RELN: variants seen among roughly 807,000 people sequenced by gnomAD.
The protein encoded by RELN is reelin.
In RELN, 108 loss-of-function variants were observed where a neutral mutation model predicts 427.6. The ratio of observed to expected loss-of-function variants is 0.25; its 90% CI spans 0.22 to 0.30. RELN has a LOEUF of 0.30. Among genes scored for constraint, RELN ranks in the 10% least tolerant of loss-of-function variants. The pLI is 1.00. For missense variants in RELN, 3,715 were observed against 4,302.8 expected, an observed-to-expected ratio of 0.86 and a Z score of 3.82; for synonymous variants, 1,524 against 1,513.4, an observed-to-expected ratio of 1.01 and a Z score of -0.16.
At chr7:103,616,634 T>C (rs889808290) in intron 20 of RELN, among the ~76,000 whole-genome samples, 2 of 152,178 alleles carry the variant, frequency 1.3e-5, no homozygotes, top group African/African-American at 4.8e-5. Flanking sequence ...GTAAAAATAC[T>C]TCCAGACAGT....
At chr7:103,553,117 T>A (rs1282001434) in intron 40 of RELN, among the ~76,000 whole-genome samples, 2 of 152,174 alleles carry the variant, frequency 1.3e-5, no homozygotes, top group African/African-American at 4.8e-5. Flanking sequence ...ATAGTTACAT[T>A]GACCTAGTCC....
At chr7:103,973,989 A>C (rs1395222232) in intron 1 of RELN, among the ~76,000 whole-genome samples, 1 of 152,120 alleles carries the variant, frequency 6.6e-6, no homozygotes, top group Admixed American at 6.5e-5. Flanking sequence ...CTAAAAATAC[A>C]AAAATTAGCC....
rs1563084924 is a variant in RELN at position 103,909,741 on chromosome 7, ATAAATATATATATT to A, written c.337+7320_337+7333del. ...ATATTAAATATATTTTTTAATATAT[ATAAATATATATATT>A]AAATATATATATTTAATATATATAA... On this transcript the variant is annotated intron_variant, in intron 2 of 64. Coordinates refer to ENST00000428762, the MANE Select transcript of RELN (RefSeq NM_005045.4). 2.6e-4 allele frequency among the ~76,000 whole-genome samples: 7 copies of A among 26,592 alleles called. 1 individual carries two copies. The East Asian group carries it at 0.011, about 42-fold the overall frequency. 17.4% of individuals were successfully genotyped at this position (26,592 alleles called of 152,430 possible).
intron 34 of RELN, 24 bp from the exon 35 acceptor site, chr7:103,561,977 A>AAAAAAAC: frequency 1.3e-6 from 2 of 1,532,562 alleles, no homozygotes; most frequent in African/African-American, 2.8e-5. Flanking sequence ...AAAAAAAAAA[A>AAAAAAAC]ACACACCACT....
chr7:103,680,116 A>G (rs1833621781), intron 11 of RELN, among the ~76,000 whole-genome samples: 1 of 152,140 alleles, frequency 6.6e-6, no homozygotes, highest in African/African-American at 2.4e-5. Context: ...TTCCCCCCCA[A>G]ACAATAAGAG....
intron 3 of RELN, among the ~76,000 whole-genome samples, chr7:103,795,387 G>C (rs1050879806): frequency 6.6e-6 from 1 of 152,168 alleles, no homozygotes; most frequent in Admixed American, 6.5e-5. Context: ...GGTCTTTCCT[G>C]GAAGTGAACA....
At chr7:103,963,335 T>A (rs1185314293) in intron 1 of RELN, among the ~76,000 whole-genome samples, 1 of 152,222 alleles carries the variant, frequency 6.6e-6, no homozygotes, top group East Asian at 1.9e-4. Flanking sequence ...ACATACATGA[T>A]CTTACGTCAC....
intron 1 of RELN, among the ~76,000 whole-genome samples, chr7:103,918,928 C>T (rs977356834): frequency 5.9e-5 from 9 of 152,044 alleles, no homozygotes; most frequent in Admixed American, 5.9e-4. Context: ...TTATCAGATG[C>T]TGTATGCTTA....
At chr7:103,732,553 C>A (rs1171913173) in intron 6 of RELN, among the ~76,000 whole-genome samples, 1 of 152,042 alleles carries the variant, frequency 6.6e-6, no homozygotes, top group Non-Finnish European at 1.5e-5. Context: ...GGAGACAAGG[C>A]AAGACCGTAC....
chr7:103,526,132 G>A (rs543981226), intron 46 of RELN, among the ~76,000 whole-genome samples: 1 of 152,320 alleles, frequency 6.6e-6, no homozygotes, highest in African/African-American at 2.4e-5. Flanking sequence ...GGTGGCATGG[G>A]TTGCCTAGCA....
intron 2 of RELN, among the ~76,000 whole-genome samples, chr7:103,865,351 C>CT (rs1411867104): frequency 6.0e-5 from 9 of 150,200 alleles, no homozygotes; most frequent in African/African-American, 2.2e-4. Flanking sequence ...ATCAATCTTT[C>CT]TTAAATTCTT....
At chr7:103,732,355 T>C (rs962019736) in intron 6 of RELN, among the ~76,000 whole-genome samples, 3 of 152,118 alleles carry the variant, frequency 2.0e-5, no homozygotes, top group African/African-American at 4.8e-5. Context: ...TGTATCTCCA[T>C]TTACTTCCCC....
rs1464977739 is a variant in RELN, at chr7:103,566,675, T to C, written c.4673A>G (p.Gln1558Arg). The C allele has an allele frequency of 6.2e-7, 1 of 1,614,142 alleles. No homozygotes were observed. Among genetic ancestry groups the C allele is most frequent in the East Asian group, 2.2e-5 (1 of 44,876 alleles). The change falls in exon 32 of 65, where the codon CAG (glutamine) becomes CGG (arginine). Residue 1558 changes from glutamine to arginine, a missense_variant. By Grantham distance (43) the Gln-to-Arg change is conservative. This residue lies in a region of RELN where 2,208 missense variants were observed against 2,361.7 expected (regional missense o/e 0.93). Coordinates refer to ENST00000428762, the MANE Select transcript of RELN (RefSeq NM_005045.4). ...CTGTGGCAGGTCAATGGAAATGATC[T>C]GTGGTTCCAGGAAGGACATGAAGTC... ...ELDFMSFLEP[Q>R]IISIDLPQDA...
rs1584326318 is a variant in RELN, at chr7:103,593,738, G to T, written c.3856C>A (p.Arg1286=). The T allele has an allele frequency of 1.2e-6, 2 of 1,613,952 alleles. No homozygotes were observed. The highest frequency in any genetic ancestry group is 1.7e-6 in the Non-Finnish European group (2 of 1,179,882). The change falls in exon 27 of 65, where the codon CGA becomes AGA. Residue 1286 remains arginine (R), a synonymous_variant. Transcript: ENST00000428762. ...AMIFGKSDGD[R]FAVTRDLTLK... ...GTCAAATCTCGAGTTACTGCAAATCGATCTCCATCTGATTTTCCAAATATC... is the reference window on the plus strand; with the variant it reads ...GTCAAATCTCGAGTTACTGCAAATCTATCTCCATCTGATTTTCCAAATATC...
At chr7:103,871,179 CAATT>C (rs1794325125) in intron 2 of RELN, among the ~76,000 whole-genome samples, 1 of 152,152 alleles carries the variant, frequency 6.6e-6, no homozygotes, top group African/African-American at 2.4e-5. Flanking sequence ...ATTTAGTACT[CAATT>C]AAAGTAATTA....
chr7:103,841,890 T>C (rs1793559910), intron 2 of RELN, among the ~76,000 whole-genome samples: 1 of 152,188 alleles, frequency 6.6e-6, no homozygotes, highest in African/African-American at 2.4e-5. Context: ...TAATTTGCCA[T>C]GGTTAGTGTT....
At chr7:103,791,207 G>A (rs1792154116) in intron 3 of RELN, among the ~76,000 whole-genome samples, 1 of 152,126 alleles carries the variant, frequency 6.6e-6, no homozygotes, top group Non-Finnish European at 1.5e-5. Flanking sequence ...GATTCAGCAT[G>A]ATACCTCTCA....
chr7:103,912,977 G>T (rs1210261766), intron 2 of RELN, among the ~76,000 whole-genome samples: 1 of 152,028 alleles, frequency 6.6e-6, no homozygotes, highest in African/African-American at 2.4e-5. Flanking sequence ...CTTCCCAAGG[G>T]CAGCATGTTT....
chr7:103,933,196 T>C (rs1288533190), intron 1 of RELN, among the ~76,000 whole-genome samples: 1 of 151,994 alleles, frequency 6.6e-6, no homozygotes, highest in African/African-American at 2.4e-5. Context: ...ACATAAACAA[T>C]AGTAAAAGGT....
Sources: allele counts gnomAD v4.1 joint callset (sites outside exome capture counted in the v4.1 genomes callset), GRCh38; gene constraint gnomAD v4.1.1; regional missense constraint gnomAD v4.1.1; transcripts MANE v1.5; gene names NCBI Gene and HGNC (gene_info 2026-07-23, HGNC 2026-07-21).